Variants in MYRIP observed in about 807,000 individuals in gnomAD.
MYRIP encodes the protein myosin VIIA and Rab interacting protein.
In MYRIP, 49 loss-of-function variants were observed where a neutral mutation model predicts 98.0. That is an observed-to-expected ratio of 0.50 (90% CI 0.40 to 0.63). The LOEUF (loss-of-function observed/expected upper bound fraction) is 0.63. MYRIP is among the 30% of genes least tolerant of loss of function. MYRIP has a pLI of 0.00. For synonymous variants in MYRIP, 404 were observed against 409.5 expected, an observed-to-expected ratio of 0.99 and a Z score of 0.16; for missense variants, 1,004 against 1,058.2, an observed-to-expected ratio of 0.95 and a Z score of 0.71.
chr3:40,060,138 T>G (rs981012710), intron 3 of MYRIP, among the ~76,000 whole-genome samples: 4 of 152,108 alleles, frequency 2.6e-5, no homozygotes, highest in African/African-American at 9.7e-5. Context: ...CATCAAAAAT[T>G]GAGTCTTTTT....
intron 2 of MYRIP, among the ~76,000 whole-genome samples, chr3:39,959,765 G>A (rs980924953): frequency 6.6e-5 from 10 of 151,828 alleles, no homozygotes; most frequent in Non-Finnish European, 8.8e-5. Context: ...AAAGTTTTAA[G>A]TATCAATTCA....
chr3:39,875,401 C>T lies in MYRIP; in HGVS notation c.-30-25386C>T, dbSNP rs1942955163. ...CTGCTAGCTTTTGAATGTGTTTGCT[C>T]TTGCTTTTCTAGTTCTTTTAATTGT... On this transcript the variant is annotated intron_variant, in intron 1 of 16. Coordinates refer to ENST00000302541, the MANE Select transcript of MYRIP (RefSeq NM_015460.4). Among the ~76,000 whole-genome samples, 3 of 151,148 alleles carry T rather than the reference C, an allele frequency of 2.0e-5. No homozygotes were observed. In the South Asian group the frequency reaches 6.3e-4, roughly 32 times the overall value.
intron 3 of MYRIP, among the ~76,000 whole-genome samples, chr3:40,058,890 C>T (rs1015989192): frequency 6.6e-5 from 10 of 152,026 alleles, no homozygotes; most frequent in Non-Finnish European, 1.2e-4. Flanking sequence ...CCCATCAACC[C>T]GTCATCTACA....
Position 40,190,346 on chromosome 3 carries a change from C to A in MYRIP, c.1548C>A (p.Ala516=). 1 of 1,613,918 alleles carries A rather than the reference C, an allele frequency of 6.2e-7. No homozygotes were observed. The highest frequency in any genetic ancestry group is 1.1e-5 in the South Asian group (1 of 91,078). The change falls in exon 10 of 17, where the codon GCC becomes GCA. Residue 516 remains alanine, a synonymous_variant. Coordinates refer to ENST00000302541, the MANE Select transcript of MYRIP (RefSeq NM_015460.4). The part of the protein sequence containing the change: ...ETSDSSEPEE[A]PHTTDRRARR... ...CGGACAGCAGCGAGCCGGAGGAGGC[C>A]CCCCACACCACAGACCGGCGGGCCA...
intron 2 of MYRIP, among the ~76,000 whole-genome samples, chr3:39,962,375 C>T (rs1052340142): frequency 6.6e-6 from 1 of 151,806 alleles, no homozygotes; most frequent in Non-Finnish European, 1.5e-5. Flanking sequence ...GAATTAAATT[C>T]CCTGTCAGTC....
intron 2 of MYRIP, among the ~76,000 whole-genome samples, chr3:40,037,320 G>A (rs1284251680): frequency 1.3e-5 from 2 of 151,994 alleles, no homozygotes; most frequent in East Asian, 3.9e-4. Context: ...TGGAAGTAAA[G>A]GGACTTCCTT....
chr3:40,211,714 G>A (rs1951933157), intron 11 of MYRIP, among the ~76,000 whole-genome samples: 1 of 152,164 alleles, frequency 6.6e-6, no homozygotes. Flanking sequence ...TGGCTTTGCT[G>A]CCTATGGTCC....
chr3:40,028,560 T>C (rs1216977093), intron 2 of MYRIP, among the ~76,000 whole-genome samples: 8 of 152,174 alleles, frequency 5.3e-5, no homozygotes, highest in Admixed American at 6.5e-5. Flanking sequence ...AGCAACCCTG[T>C]GAAGTAGAAA....
At chr3:39,848,271 A>G (rs566429803) in intron 1 of MYRIP, among the ~76,000 whole-genome samples, 176 of 152,320 alleles carry the variant, frequency 1.2e-3, no homozygotes, top group Non-Finnish European at 1.9e-3. Context: ...TGGCTGCTTC[A>G]TATGTCATTG....
Position 39,964,910 on chromosome 3 carries a change from AT to A in MYRIP, c.110+63988del, listed in dbSNP as rs1160637586. ...AATGGAAGTATAAATATATTGGGTCATTTTGATACAGACATTTTCTAGTTTT... is the reference window on the plus strand; with the variant it reads ...AATGGAAGTATAAATATATTGGGTCATTTGATACAGACATTTTCTAGTTTT... On this transcript the variant is annotated intron_variant, in intron 2 of 16. Coordinates refer to ENST00000302541, the MANE Select transcript of MYRIP (RefSeq NM_015460.4). Among the ~76,000 whole-genome samples, 12 of 152,242 alleles carry A rather than the reference AT, an allele frequency of 7.9e-5. No homozygotes were observed. In the South Asian group the frequency reaches 2.5e-3, roughly 32 times the overall value.
At chr3:40,162,340 T>A (rs1305589547) in intron 4 of MYRIP, among the ~76,000 whole-genome samples, 1 of 152,224 alleles carries the variant, frequency 6.6e-6, no homozygotes, top group Non-Finnish European at 1.5e-5. Flanking sequence ...CTGGTGCTCA[T>A]AGACTATTTG....
intron 3 of MYRIP, among the ~76,000 whole-genome samples, chr3:40,130,771 C>G (rs995781375): frequency 6.6e-6 from 1 of 152,048 alleles, no homozygotes; most frequent in Non-Finnish European, 1.5e-5. Flanking sequence ...CCCACCAGGT[C>G]TTACCACCTG....
chr3:40,028,602 CA>C (rs1947188338), intron 2 of MYRIP, among the ~76,000 whole-genome samples: 1 of 152,232 alleles, frequency 6.6e-6, no homozygotes, highest in East Asian at 1.9e-4. Context: ...ACAGAGGCCC[CA>C]AAAGGTTGGG....
chr3:39,864,516 T>C (rs989987767), intron 1 of MYRIP, among the ~76,000 whole-genome samples: 3 of 152,012 alleles, frequency 2.0e-5, no homozygotes, highest in African/African-American at 7.2e-5. Flanking sequence ...ACATCCAAGC[T>C]GAGAGACAAA....
intron 2 of MYRIP, among the ~76,000 whole-genome samples, chr3:39,928,462 A>G (rs772489742): frequency 1.3e-4 from 20 of 151,964 alleles, no homozygotes; most frequent in Non-Finnish European, 1.8e-4. Context: ...GTAGCAATAT[A>G]TAAAAAGAGT....
At chr3:39,858,846 TGG>T (rs1267879787) in intron 1 of MYRIP, among the ~76,000 whole-genome samples, 1 of 151,700 alleles carries the variant, frequency 6.6e-6, no homozygotes, top group Admixed American at 6.6e-5. Flanking sequence ...GAAACAAAAA[TGG>T]AAACACCATA....
At chr3:40,125,859 A>G (rs1219625644) in intron 3 of MYRIP, among the ~76,000 whole-genome samples, 1 of 152,180 alleles carries the variant, frequency 6.6e-6, no homozygotes, top group Non-Finnish European at 1.5e-5. Flanking sequence ...TCATGTATCA[A>G]CTGAACATGA....
At chr3:40,087,158 C>T (rs1456907109) in intron 3 of MYRIP, among the ~76,000 whole-genome samples, 4 of 151,990 alleles carry the variant, frequency 2.6e-5, no homozygotes, top group Admixed American at 2.6e-4. Flanking sequence ...CCCAGTGTGG[C>T]TATCATGAGG....
chr3:40,065,816 G>A (rs1013875186), intron 3 of MYRIP, among the ~76,000 whole-genome samples: 4 of 152,132 alleles, frequency 2.6e-5, no homozygotes, highest in Non-Finnish European at 4.4e-5. Flanking sequence ...GCAGGATCTG[G>A]TCTTCTTTAT....
Sources: gnomAD v4.1 joint callset for allele counts (sites outside exome capture counted in the v4.1 genomes callset) on GRCh38, gnomAD v4.1.1 for gene constraint, MANE v1.5 for transcripts, NCBI Gene and HGNC (gene_info 2026-07-23, HGNC 2026-07-21) for gene names.